Variants in RAPGEF4 observed in about 807,000 individuals in gnomAD.
The protein encoded by RAPGEF4 is RAP guanine-nucleotide-exchange factor (GEF) 4.
Under a neutral mutation model 147.9 loss-of-function variants are expected in RAPGEF4, and 66 were observed. The ratio of observed to expected loss-of-function variants is 0.45; its 90% CI spans 0.37 to 0.55. The LOEUF is 0.55. Among genes scored for constraint, RAPGEF4 ranks in the 20% least tolerant of loss-of-function variants. RAPGEF4 has a pLI of 0.00. For synonymous variants in RAPGEF4, 419 were observed against 442.7 expected, an observed-to-expected ratio of 0.95 and a Z score of 0.67; for missense variants, 1,071 against 1,257.3, an observed-to-expected ratio of 0.85 and a Z score of 2.24.
chr2:172,749,227 G>A (rs1447332046), intron 1 of RAPGEF4, among the ~76,000 whole-genome samples: 1 of 152,194 alleles, frequency 6.6e-6, no homozygotes, highest in Non-Finnish European at 1.5e-5. Flanking sequence ...CTGAGTAGGG[G>A]CTTCAATCCC....
At chr2:172,931,186 G>A (rs1346729660) in intron 6 of RAPGEF4, among the ~76,000 whole-genome samples, 66 of 6,226 alleles carry the variant, frequency 0.011, 1 homozygote, top group Middle Eastern at 0.12. Flanking sequence ...GGGGGGGGGC[G>A]CTGGGGGGCG....
rs976046018 is a variant in RAPGEF4 at position 172,988,755 on chromosome 2, C to T, written c.1290C>T (p.Ala430=). ...DFGKLALVND[A]PRAASIVLRE... ...GCAAGTTAGCACTAGTGAATGATGCCCCACGAGCTGCCTCTATCGTCTTAC... is the reference window on the plus strand; with the variant it reads ...GCAAGTTAGCACTAGTGAATGATGCTCCACGAGCTGCCTCTATCGTCTTAC... The change falls in exon 14 of 31, where the codon GCC becomes GCT. Residue 430 remains alanine (A), a synonymous_variant. Transcript: ENST00000397081. The T allele has an allele frequency of 7.4e-6, 12 of 1,611,912 alleles. No individual in the cohort carries two copies. Among genetic ancestry groups the T allele is most frequent in the African/African-American group, 1.3e-5 (1 of 74,842 alleles).
intron 1 of RAPGEF4, among the ~76,000 whole-genome samples, chr2:172,783,643 G>A (rs1043429428): frequency 5.9e-5 from 9 of 152,128 alleles, no homozygotes; most frequent in African/African-American, 1.4e-4. Flanking sequence ...AGCCTCAGCC[G>A]AGAGAGAACT....
intron 1 of RAPGEF4, among the ~76,000 whole-genome samples, chr2:172,765,544 G>T (rs917501455): frequency 2.0e-5 from 3 of 152,180 alleles, no homozygotes; most frequent in African/African-American, 7.2e-5. Context: ...ACACACAGAG[G>T]ATCCAGATCA....
At chr2:172,975,053 C>A (rs572828955) in intron 10 of RAPGEF4, among the ~76,000 whole-genome samples, 1 of 152,176 alleles carries the variant, frequency 6.6e-6, no homozygotes, top group Non-Finnish European at 1.5e-5. Flanking sequence ...AGGTTAAATA[C>A]AGGATGCCCG....
intron 4 of RAPGEF4, among the ~76,000 whole-genome samples, chr2:172,866,671 AC>A: frequency 6.6e-6 from 1 of 151,972 alleles, no homozygotes; most frequent in African/African-American, 2.4e-5. Context: ...TTGGATTTTA[AC>A]CCCAAAATGG....
intron 14 of RAPGEF4, among the ~76,000 whole-genome samples, chr2:172,990,061 C>T (rs1344413575): frequency 6.6e-6 from 1 of 151,112 alleles, no homozygotes; most frequent in Non-Finnish European, 1.5e-5. Flanking sequence ...AATGTATACC[C>T]TTGAATGATA....
intron 6 of RAPGEF4, among the ~76,000 whole-genome samples, chr2:172,958,205 G>C (rs1444353881): frequency 2.0e-5 from 3 of 152,100 alleles, no homozygotes; most frequent in Non-Finnish European, 1.5e-5. Flanking sequence ...ATCTACTCTA[G>C]ACCACACCTA....
In RAPGEF4 at chr2:172,985,815, G is replaced by A. The variant is rs72907572; in HGVS notation, c.1150+322G>A. 8.5e-3 allele frequency among the ~76,000 whole-genome samples: 1,297 copies of A among 152,330 alleles called. 11 individuals carry two copies. The highest frequency in any genetic ancestry group is 0.014 in the Non-Finnish European group (944 of 68,038). On this transcript the variant is annotated intron_variant, in intron 12 of 30. Transcript: ENST00000397081. Reference sequence around the variant, plus strand: ...CACTGCCCTTCAGGAAGGGCCTGAGGCAGTACCTTTTCCCAGTGACCTCAT... The same window carrying A: ...CACTGCCCTTCAGGAAGGGCCTGAGACAGTACCTTTTCCCAGTGACCTCAT...
At chr2:172,901,688 G>A (rs1699070195) in intron 4 of RAPGEF4, among the ~76,000 whole-genome samples, 2 of 152,186 alleles carry the variant, frequency 1.3e-5, no homozygotes, top group African/African-American at 4.8e-5. Flanking sequence ...GGGGTGCCAT[G>A]GTAATTTTCT....
rs1000012561 is a variant in RAPGEF4, at chr2:173,030,104, A to T, written c.2559-60A>T. ...ATGACTATCAGAAAATAGAACTCTA[A>T]TTTTTTTTATCTCACACAGAAGTAA... On this transcript the variant is annotated intron_variant, in intron 25 of 30. Coordinates refer to ENST00000397081, the MANE Select transcript of RAPGEF4 (RefSeq NM_007023.4). 2.1e-5 allele frequency: 25 copies of T among 1,199,534 alleles called. No homozygotes were observed. In the African/African-American group the frequency reaches 2.3e-4, roughly 11 times the overall value. 74.3% of individuals were successfully genotyped at this position (1,199,534 alleles called of 1,614,324 possible). A position where few individuals can be genotyped will look rare whatever the true frequency, so the allele number is the denominator to read the frequency against.
At chr2:172,882,509 T>G (rs1257007415) in intron 4 of RAPGEF4, among the ~76,000 whole-genome samples, 1 of 152,118 alleles carries the variant, frequency 6.6e-6, no homozygotes, top group African/African-American at 2.4e-5. Flanking sequence ...ACAAAGAAGT[T>G]CAAAATGCAC....
intron 4 of RAPGEF4, among the ~76,000 whole-genome samples, chr2:172,888,584 T>C (rs1284508460): frequency 6.6e-6 from 1 of 152,232 alleles, no homozygotes; most frequent in Non-Finnish European, 1.5e-5. Flanking sequence ...AAGTTGATTT[T>C]CTATCTACCT....
At chr2:172,818,483 T>TA (rs1688729728) in intron 4 of RAPGEF4, among the ~76,000 whole-genome samples, 2 of 152,280 alleles carry the variant, frequency 1.3e-5, no homozygotes, top group East Asian at 3.9e-4. Context: ...TAGTAAAAAT[T>TA]AGAGACCCTG....
intron 1 of RAPGEF4, among the ~76,000 whole-genome samples, chr2:172,775,149 A>T (rs921534945): frequency 1.3e-5 from 2 of 152,172 alleles, no homozygotes; most frequent in African/African-American, 4.8e-5. Context: ...TAGTTACAGT[A>T]TCCTATTGCT....
At chr2:172,941,925 G>A (rs1687201028) in intron 6 of RAPGEF4, among the ~76,000 whole-genome samples, 2 of 151,932 alleles carry the variant, frequency 1.3e-5, no homozygotes, top group Admixed American at 6.6e-5. Flanking sequence ...CTCTCAACAA[G>A]TATTTTTTTA....
intron 1 of RAPGEF4, among the ~76,000 whole-genome samples, chr2:172,747,180 C>A (rs992000516): frequency 6.6e-6 from 1 of 152,150 alleles, no homozygotes; most frequent in Non-Finnish European, 1.5e-5. Context: ...CCTTATTCTT[C>A]TAGTCATTAA....
chr2:173,012,724 G>C (rs1445971738), intron 17 of RAPGEF4, among the ~76,000 whole-genome samples: 1 of 152,182 alleles, frequency 6.6e-6, no homozygotes, highest in Admixed American at 6.5e-5. Flanking sequence ...ATATCACATA[G>C]CTAAATGGTG....
chr2:173,004,615 CATT>C (rs1444251413), intron 17 of RAPGEF4, among the ~76,000 whole-genome samples: 2 of 151,880 alleles, frequency 1.3e-5, no homozygotes, highest in East Asian at 1.9e-4. Context: ...CTTTTTATGT[CATT>C]ATTTTTCTAT....
Sources: gnomAD v4.1 joint callset for allele counts (sites outside exome capture counted in the v4.1 genomes callset) on GRCh38, gnomAD v4.1.1 for gene constraint, MANE v1.5 for transcripts, NCBI Gene and HGNC (gene_info 2026-07-23, HGNC 2026-07-21) for gene names.